Variants in RALYL observed in about 807,000 individuals in gnomAD.
RALYL encodes RALY RNA binding protein like.
A neutral mutation model predicts 35.1 loss-of-function variants in RALYL; 29 were observed. The observed-to-expected ratio is 0.83, with a 90% CI of 0.61 to 1.13. RALYL has a LOEUF of 1.13. Ranked by LOEUF, RALYL falls within the 50% of genes most tolerant of loss-of-function variation. The probability of loss-of-function intolerance (pLI) is 0.00; values close to 1 mark genes in which losing one functional copy is unlikely to be tolerated. For synonymous variants in RALYL, 120 were observed against 127.6 expected (o/e 0.94, Z 0.40); for missense variants, 359 against 360.4 (o/e 1.00, Z 0.03).
chr8:84,679,821 A>G, intron 2 of RALYL: 1 of 447,920 alleles, frequency 2.2e-6, no homozygotes, highest in South Asian at 1.7e-5. Flanking sequence ...TACCTGATCT[A>G]GAGGGTCAGA....
chr8:84,658,071 C>T (rs1323518491), intron 2 of RALYL, among the ~76,000 whole-genome samples: 1 of 152,082 alleles, frequency 6.6e-6, no homozygotes, highest in Non-Finnish European at 1.5e-5. Flanking sequence ...GTTTTCATGT[C>T]CCTTGCTTCA....
At chr8:84,818,688 G>A (rs1458625061) in intron 4 of RALYL, among the ~76,000 whole-genome samples, 2 of 152,136 alleles carry the variant, frequency 1.3e-5, no homozygotes, top group Non-Finnish European at 2.9e-5. Flanking sequence ...ATACCTGCTT[G>A]GCTGTTTTGC....
At chr8:84,817,529 C>CTTT (rs1194651945) in intron 4 of RALYL, among the ~76,000 whole-genome samples, 1 of 140,774 alleles carries the variant, frequency 7.1e-6, no homozygotes, top group Non-Finnish European at 1.5e-5. Context: ...AGTAACTAAT[C>CTTT]TTTTATTATT....
rs556558401 is a variant in RALYL at position 84,387,246 on chromosome 8, T to C, written c.-23-142053T>C. Among the ~76,000 whole-genome samples, 7 of 151,954 alleles carry C rather than the reference T, an allele frequency of 4.6e-5. No individual in the cohort carries two copies. In the South Asian group the frequency reaches 1.5e-3, roughly 31 times the overall value. On this transcript the variant is annotated intron_variant, in intron 1 of 8. Transcript: ENST00000521268. Reference sequence around the variant, plus strand: ...CTATATGGTAGGCACTTAACATGTATTATCTGTAATCCGTATGTAATGATT... The same window carrying C: ...CTATATGGTAGGCACTTAACATGTACTATCTGTAATCCGTATGTAATGATT...
At chr8:84,545,699 CATT>C (rs1339558248) in intron 2 of RALYL, among the ~76,000 whole-genome samples, 1 of 152,054 alleles carries the variant, frequency 6.6e-6, no homozygotes, top group Non-Finnish European at 1.5e-5. Flanking sequence ...TATTTTCTCA[CATT>C]ATATCTTTTT....
Position 84,523,349 on chromosome 8 carries a change from GA to G in RALYL, c.-23-5941del, listed in dbSNP as rs534837888. Among the ~76,000 whole-genome samples the G allele has an allele frequency of 3.6e-4, 52 of 145,260 alleles. 1 individual carries two copies. The South Asian group carries it at 7.1e-3, about 20-fold the overall frequency. On this transcript the variant is annotated intron_variant, in intron 1 of 8. Coordinates refer to ENST00000521268, the MANE Select transcript of RALYL (RefSeq NM_173848.7). ...GACTTATTCATGAGAACAGCATGGG[GA>G]AAAAAAAACCCACTCCCATGATTCA... is the stretch of plus-strand genomic sequence containing the variant.
At chr8:84,302,894 A>G (rs1373672438) in intron 1 of RALYL, among the ~76,000 whole-genome samples, 2 of 152,180 alleles carry the variant, frequency 1.3e-5, no homozygotes, top group African/African-American at 4.8e-5. Context: ...ATTAGTTAAG[A>G]TCTTACGTTA....
At chr8:84,195,235 T>C (rs1397503274) in intron 1 of RALYL, among the ~76,000 whole-genome samples, 2 of 152,092 alleles carry the variant, frequency 1.3e-5, no homozygotes, top group African/African-American at 4.8e-5. Flanking sequence ...TGTAAGTCAC[T>C]GTATTTGGGT....
intron 1 of RALYL, among the ~76,000 whole-genome samples, chr8:84,468,890 C>T (rs1343545717): frequency 6.6e-6 from 1 of 151,904 alleles, no homozygotes; most frequent in Non-Finnish European, 1.5e-5. Context: ...TCATTTCATT[C>T]ATTTCATCTT....
intron 2 of RALYL, among the ~76,000 whole-genome samples, chr8:84,638,865 CGCATAA>C (rs1564288291): frequency 1.3e-5 from 1 of 78,864 alleles, no homozygotes; most frequent in East Asian, 3.7e-4. Context: ...ATCTAATGCA[CGCATAA>C]ATATATATAT....
intron 1 of RALYL, among the ~76,000 whole-genome samples, chr8:84,325,374 T>C (rs1047171670): frequency 6.6e-6 from 1 of 152,238 alleles, no homozygotes; most frequent in Non-Finnish European, 1.5e-5. Flanking sequence ...GCTATGACTG[T>C]AAAATCACTA....
At chr8:84,468,862 T>G (rs1285169829) in intron 1 of RALYL, among the ~76,000 whole-genome samples, 4 of 152,100 alleles carry the variant, frequency 2.6e-5, no homozygotes, top group Non-Finnish European at 5.9e-5. Flanking sequence ...CTTTTTTCTC[T>G]AGACTTCCCT....
At chr8:84,674,714 A>G (rs747578638) in intron 2 of RALYL, among the ~76,000 whole-genome samples, 13 of 152,090 alleles carry the variant, frequency 8.5e-5, no homozygotes, top group Admixed American at 4.6e-4. Flanking sequence ...TTCTTAGCAT[A>G]TTTTTAGCAT....
At chr8:84,432,494 G>A (rs780924299) in intron 1 of RALYL, among the ~76,000 whole-genome samples, 2 of 152,096 alleles carry the variant, frequency 1.3e-5, no homozygotes, top group African/African-American at 2.4e-5. Flanking sequence ...ACCTAAAAAT[G>A]TGTTAAGAGG....
intron 4 of RALYL, among the ~76,000 whole-genome samples, chr8:84,817,145 A>C (rs974703939): frequency 6.6e-6 from 1 of 152,138 alleles, no homozygotes; most frequent in Non-Finnish European, 1.5e-5. Context: ...CCTGCATCCA[A>C]AAATGACCTT....
chr8:84,637,544 A>G (rs1162393401), intron 2 of RALYL, among the ~76,000 whole-genome samples: 2 of 151,872 alleles, frequency 1.3e-5, no homozygotes, highest in Non-Finnish European at 2.9e-5. Context: ...CAAAACTAGT[A>G]ATGGGGAAGT....
chr8:84,734,353 G>A (rs1846831237), intron 2 of RALYL, among the ~76,000 whole-genome samples: 1 of 152,070 alleles, frequency 6.6e-6, no homozygotes, highest in East Asian at 1.9e-4. Flanking sequence ...TAGTTCCTGT[G>A]TTTATTAGCC....
chr8:84,589,967 A>G (rs1481980517), intron 2 of RALYL, among the ~76,000 whole-genome samples: 1 of 152,242 alleles, frequency 6.6e-6, no homozygotes, highest in Non-Finnish European at 1.5e-5. Context: ...CAGAGAAATG[A>G]AGAGGGCATA....
At chr8:84,893,178 C>T (rs1456184085) in intron 8 of RALYL, among the ~76,000 whole-genome samples, 2 of 152,108 alleles carry the variant, frequency 1.3e-5, no homozygotes, top group African/African-American at 4.8e-5. Context: ...TGAAGGATGA[C>T]AAATTAGAGA....
Sources: allele counts gnomAD v4.1 joint callset (sites outside exome capture counted in the v4.1 genomes callset), GRCh38; gene constraint gnomAD v4.1.1; transcripts MANE v1.5; gene names NCBI Gene and HGNC (gene_info 2026-07-23, HGNC 2026-07-21).